The following VSX2 variants were observed in gnomAD, a reference collection of about 807,000 sequenced individuals.
VSX2 encodes the protein visual system homeobox 2, also known as ceh-10 homeo domain containing homolog.
VSX2 carries 28 observed loss-of-function variants against 32.1 expected under a neutral mutation model. That is an observed-to-expected ratio of 0.87 (90% CI 0.65 to 1.20). VSX2 has a LOEUF of 1.20. Ranked by LOEUF, VSX2 falls within the 50% of genes most tolerant of loss-of-function variation. The pLI is 0.00. For synonymous variants in VSX2, 243 were observed against 214.1 expected, an observed-to-expected ratio of 1.14 and a Z score of -1.18; for missense variants, 506 against 488.7, an observed-to-expected ratio of 1.04 and a Z score of -0.33.
intron 2 of VSX2, among the ~76,000 whole-genome samples, chr14:74,244,940 GAGAA>G: frequency 8.7e-6 from 1 of 114,974 alleles, no homozygotes; most frequent in Non-Finnish European, 1.8e-5. Flanking sequence ...GAAAGAGAGA[GAGAA>G]AGTGTGTGTG....
intron 2 of VSX2, among the ~76,000 whole-genome samples, chr14:74,243,732 G>T (rs1423571234): frequency 6.6e-6 from 1 of 151,354 alleles, no homozygotes; most frequent in African/African-American, 2.4e-5. Flanking sequence ...TAGGAGAAAC[G>T]ATTTAGAATC....
Position 74,245,228 on chromosome 14 carries a change from AGAC to A in VSX2, c.521_523del (p.Asp174del). ...AGGCATTCAACGAAGCCCACTACCC[AGAC>A]GTCTATGCCCGGGAGATGCTGGCCA... On this transcript the variant is annotated inframe_deletion, in exon 3 of 5. Transcript: ENST00000261980. The A allele has an allele frequency of 6.2e-7, 1 of 1,613,656 alleles. No homozygotes were observed. Among genetic ancestry groups the A allele is most frequent in the Non-Finnish European group, 8.5e-7 (1 of 1,179,942 alleles).
At chr14:74,244,441 G>A (rs1484291049) in intron 2 of VSX2, among the ~76,000 whole-genome samples, 1 of 152,144 alleles carries the variant, frequency 6.6e-6, no homozygotes, top group African/African-American at 2.4e-5. Context: ...GTGATGTCGA[G>A]GAAGGGCAGG....
intron 2 of VSX2, among the ~76,000 whole-genome samples, chr14:74,243,444 T>C (rs1256997600): frequency 6.6e-6 from 1 of 152,008 alleles, no homozygotes; most frequent in Non-Finnish European, 1.5e-5. Context: ...GATTTGAGTT[T>C]TTGTTTTGTT....
intron 1 of VSX2, among the ~76,000 whole-genome samples, chr14:74,240,298 C>G (rs1034848974): frequency 2.6e-5 from 4 of 152,224 alleles, no homozygotes; most frequent in Admixed American, 6.5e-5. Flanking sequence ...ACTGCGGCCC[C>G]GGCCTGGTGT....
chr14:74,241,128 G>A, intron 1 of VSX2, 54 bp from the exon 2 acceptor site: 1 of 1,586,586 alleles, frequency 6.3e-7, no homozygotes, highest in Non-Finnish European at 8.6e-7. Context: ...CGGGTTTCGG[G>A]CACAGCGGAG....
At chr14:74,251,636 A>G (rs558927440) in intron 3 of VSX2, among the ~76,000 whole-genome samples, 1 of 152,234 alleles carries the variant, frequency 6.6e-6, no homozygotes, top group East Asian at 1.9e-4. Context: ...TTTGGGTGGC[A>G]GGGGTTTGGG....
chr14:74,246,727 A>T (rs1215787391), intron 3 of VSX2, among the ~76,000 whole-genome samples: 1 of 152,176 alleles, frequency 6.6e-6, no homozygotes, highest in Non-Finnish European at 1.5e-5. Context: ...AGCAATGACA[A>T]ATCCCCGCTG....
At chr14:74,249,917 C>T (rs921318313) in intron 3 of VSX2, among the ~76,000 whole-genome samples, 3 of 152,126 alleles carry the variant, frequency 2.0e-5, no homozygotes, top group African/African-American at 7.2e-5. Context: ...TATGTCTCCA[C>T]ATCAGACTCA....
intron 2 of VSX2, among the ~76,000 whole-genome samples, chr14:74,242,691 C>T (rs561889247): frequency 1.3e-5 from 2 of 151,220 alleles, no homozygotes; most frequent in East Asian, 3.9e-4. Flanking sequence ...CCATCTTACG[C>T]GGGTCCCAGG....
intron 2 of VSX2, among the ~76,000 whole-genome samples, chr14:74,243,327 C>A (rs1566883866): frequency 6.6e-6 from 1 of 152,178 alleles, no homozygotes; most frequent in Non-Finnish European, 1.5e-5. Context: ...CTGGACACAA[C>A]AGGAGCCTGA....
Position 74,239,753 on chromosome 14 carries a change from G to T in VSX2, c.192G>T (p.Ala64=). 1.9e-6 allele frequency: 3 copies of T among 1,550,740 alleles called. No homozygotes were observed. The highest frequency in any genetic ancestry group is 2.6e-6 in the Non-Finnish European group (3 of 1,147,740). Residue 64 remains alanine (A), a synonymous_variant, in exon 1 of 5, where the codon GCG becomes GCT. Transcript: ENST00000261980. ...TGGCCCCCGGGCACTTGCTGGCGGC[G>T]CGCTCAGTGCTCAGCCCCGCGGGGG... ...DGLAPGHLLA[A]RSVLSPAGVG...
chr14:74,243,519 G>A (rs891500079), intron 2 of VSX2, among the ~76,000 whole-genome samples: 2 of 152,048 alleles, frequency 1.3e-5, no homozygotes, highest in Non-Finnish European at 2.9e-5. Flanking sequence ...CCTATAATCG[G>A]CTCTCCTCTT....
intron 3 of VSX2, 105 bp downstream of exon 3, chr14:74,245,393 G>T: frequency 6.7e-7 from 1 of 1,486,406 alleles, no homozygotes; most frequent in Non-Finnish European, 9.2e-7. Flanking sequence ...CCCCACTGTG[G>T]GCATGTGCTT....
At chr14:74,253,003 C>T (rs1482107713) in intron 3 of VSX2, among the ~76,000 whole-genome samples, 2 of 143,870 alleles carry the variant, frequency 1.4e-5, no homozygotes, top group African/African-American at 5.2e-5. Context: ...GAGCCAGGAT[C>T]GTGCCACTGC....
intron 3 of VSX2, among the ~76,000 whole-genome samples, chr14:74,255,074 C>A (rs1190470952): frequency 6.6e-6 from 1 of 152,106 alleles, no homozygotes; most frequent in Non-Finnish European, 1.5e-5. Context: ...ACCACTATGC[C>A]TGGCCTGAAA....
chr14:74,259,502 G>A (rs2079289108), intron 3 of VSX2, 100 bp from the exon 4 acceptor site: 8 of 1,474,290 alleles, frequency 5.4e-6, no homozygotes, highest in East Asian at 4.6e-5. Flanking sequence ...GGTTAAGGAC[G>A]CCCTGCTGGA....
At position 74,239,811 on chromosome 14, in the gene VSX2, C is replaced by A; in HGVS notation, c.250C>A (p.Leu84Ile). 6.4e-7 allele frequency: 1 copy of A among 1,571,316 alleles called. No homozygotes were observed. The highest frequency in any genetic ancestry group is 1.9e-5 in the Admixed American group (1 of 53,546). ...CATGGGGCTTCTGGGGCCCGGGGGGCTCCCTGGCTTCTACACGCAGCCCAC... is the reference window on the plus strand; with the variant it reads ...CATGGGGCTTCTGGGGCCCGGGGGGATCCCTGGCTTCTACACGCAGCCCAC... ...GGMGLLGPGG[L>I]PGFYTQPTFL... Residue 84 changes from leucine to isoleucine, a missense_variant, in exon 1 of 5, where the codon CTC becomes ATC. By Grantham distance (5) the Leu-to-Ile change is conservative (BLOSUM62 2). Transcript: ENST00000261980.
chr14:74,257,712 C>A (rs911069985), intron 3 of VSX2, among the ~76,000 whole-genome samples: 1 of 149,492 alleles, frequency 6.7e-6, no homozygotes, highest in Non-Finnish European at 1.5e-5. Context: ...GCGGACCACC[C>A]CCCACCCACT....
Sources: gnomAD v4.1 joint callset for allele counts (sites outside exome capture counted in the v4.1 genomes callset) on GRCh38, gnomAD v4.1.1 for gene constraint, MANE v1.5 for transcripts, NCBI Gene and HGNC (gene_info 2026-07-23, HGNC 2026-07-21) for gene names.